RARB: variants seen among roughly 807,000 people sequenced by gnomAD.
RARB encodes HBV-activated protein.
In RARB, 17 loss-of-function variants were observed where a neutral mutation model predicts 51.9. The ratio of observed to expected loss-of-function variants is 0.33; its 90% CI spans 0.22 to 0.49. The LOEUF is 0.49. Ranked by LOEUF, RARB falls within the 20% of genes least tolerant of loss-of-function variation. RARB has a pLI of 0.99. For missense variants in RARB, 369 were observed against 550.8 expected (o/e 0.67, Z 3.30); for synonymous variants, 215 against 195.4 (o/e 1.10, Z -0.84).
intron 5 of RARB, among the ~76,000 whole-genome samples, chr3:25,415,630 G>A (rs1483827): frequency 0.8 from 121,899 of 152,134 alleles, 49,095 homozygotes; most frequent in East Asian, 1. Flanking sequence ...TGTGCCATAG[G>A]TTTCATTGTT....
At chr3:25,449,274 A>G (rs1709086366) in intron 1 of RARB, among the ~76,000 whole-genome samples, 1 of 152,012 alleles carries the variant, frequency 6.6e-6, no homozygotes, top group Non-Finnish European at 1.5e-5. Context: ...CTGGGTTCTC[A>G]GCAGGGAACA....
intron 3 of RARB, among the ~76,000 whole-genome samples, chr3:25,081,606 TATATATATATA>T (rs1402941616): frequency 0.021 from 354 of 17,202 alleles, 18 homozygotes; most frequent in African/African-American, 0.026. Context: ...TATATATATA[TATATATATATA>T]TATATTTTTT....
rs191270271 is a variant in RARB, at chr3:25,528,702, T to C, written c.448+27379T>C. Among the ~76,000 whole-genome samples, 31 of 151,042 alleles carry C rather than the reference T, an allele frequency of 2.1e-4. 1 individual carries two copies. Among genetic ancestry groups the C allele is most frequent in the Admixed American group, 1.8e-3 (28 of 15,170 alleles). On this transcript the variant is annotated intron_variant, in intron 3 of 7. Transcript: ENST00000330688. ...CAAGGGGCTTCCATGTTCCCCATGG[T>C]AGGGAGGGTAGAGATGGCTGCCTTA...
intron 5 of RARB, among the ~76,000 whole-genome samples, chr3:25,358,738 A>T (rs1040688410): frequency 6.6e-6 from 1 of 152,152 alleles, no homozygotes; most frequent in African/African-American, 2.4e-5. Flanking sequence ...TGAGATAATT[A>T]TGTGGTTTTC....
intron 4 of RARB, among the ~76,000 whole-genome samples, chr3:25,168,928 AT>A (rs1700600465): frequency 6.6e-6 from 1 of 152,218 alleles, no homozygotes; most frequent in Non-Finnish European, 1.5e-5. Context: ...GATCCTTGAG[AT>A]TAAAGAGAAG....
intron 2 of RARB, among the ~76,000 whole-genome samples, chr3:25,052,885 T>C (rs575767212): frequency 6.8e-6 from 1 of 146,334 alleles, no homozygotes; most frequent in African/African-American, 2.6e-5. Context: ...AAAAAAGTCA[T>C]AGAAAAAAAA....
chr3:25,203,317 A>T (rs1009295905), intron 5 of RARB, among the ~76,000 whole-genome samples: 1 of 152,098 alleles, frequency 6.6e-6, no homozygotes, highest in Non-Finnish European at 1.5e-5. Flanking sequence ...TTTTGAGGCT[A>T]TGTGTGTCTC....
At chr3:25,318,477 T>C (rs940705662) in intron 5 of RARB, among the ~76,000 whole-genome samples, 1 of 152,186 alleles carries the variant, frequency 6.6e-6, no homozygotes, top group African/African-American at 2.4e-5. Context: ...GTATTGCTGG[T>C]TTAGCATAAA....
chr3:25,410,829 T>C (rs997966014), intron 5 of RARB, among the ~76,000 whole-genome samples: 1 of 152,226 alleles, frequency 6.6e-6, no homozygotes, highest in Admixed American at 6.5e-5. Context: ...TCTCCCCTCC[T>C]TCCCTCCCAA....
At chr3:25,486,100 T>C (rs1335300225) in intron 2 of RARB, among the ~76,000 whole-genome samples, 1 of 152,210 alleles carries the variant, frequency 6.6e-6, no homozygotes, top group African/African-American at 2.4e-5. Context: ...AGTTGTCTTT[T>C]TGCTGGATTT....
chr3:24,951,717 T>G (rs1206560717), intron 2 of RARB, among the ~76,000 whole-genome samples: 1 of 152,168 alleles, frequency 6.6e-6, no homozygotes, highest in East Asian at 1.9e-4. Flanking sequence ...AGGAAACCAA[T>G]GCCAATGACC....
At chr3:25,365,863 C>G in intron 5 of RARB, among the ~76,000 whole-genome samples, 1 of 152,146 alleles carries the variant, frequency 6.6e-6, no homozygotes. Flanking sequence ...CTTTTTGTGA[C>G]CTAATGTCAG....
intron 3 of RARB, among the ~76,000 whole-genome samples, chr3:25,068,462 AG>A (rs1176327653): frequency 1.4e-4 from 21 of 152,162 alleles, no homozygotes; most frequent in African/African-American, 3.9e-4. Flanking sequence ...GAAAACAAAA[AG>A]GGGGGTAATA....
At chr3:25,493,242 G>A (rs1696836384) in intron 2 of RARB, among the ~76,000 whole-genome samples, 1 of 152,104 alleles carries the variant, frequency 6.6e-6, no homozygotes, top group African/African-American at 2.4e-5. Context: ...GTCTTTCAGT[G>A]GGGTGAAAAG....
At chr3:25,243,148 A>C (rs1243919027) in intron 5 of RARB, among the ~76,000 whole-genome samples, 1 of 151,842 alleles carries the variant, frequency 6.6e-6, no homozygotes, top group Non-Finnish European at 1.5e-5. Context: ...TGATTTTTGC[A>C]GATCGATTTT....
At chr3:24,984,600 G>T (rs1053579976) in intron 2 of RARB, among the ~76,000 whole-genome samples, 1 of 152,128 alleles carries the variant, frequency 6.6e-6, no homozygotes, top group Non-Finnish European at 1.5e-5. Context: ...CAGAGAGGTG[G>T]CGAAAACAGA....
At chr3:24,846,872 A>G (rs913442238) in intron 1 of RARB, among the ~76,000 whole-genome samples, 13 of 147,694 alleles carry the variant, frequency 8.8e-5, no homozygotes, top group African/African-American at 3.0e-4. Flanking sequence ...CAAAATTGGA[A>G]AAAAAAAAAA....
intron 4 of RARB, among the ~76,000 whole-genome samples, chr3:25,135,083 G>A (rs1459743653): frequency 1.3e-5 from 2 of 150,678 alleles, no homozygotes; most frequent in Non-Finnish European, 3.0e-5. Context: ...AGTTTAATAG[G>A]CCTAGGACCA....
intron 5 of RARB, among the ~76,000 whole-genome samples, chr3:25,229,011 T>C (rs986096922): frequency 1.3e-5 from 2 of 152,180 alleles, no homozygotes; most frequent in African/African-American, 4.8e-5. Context: ...TTGTCTCTGC[T>C]GTCCTATCCA....
Sources: gnomAD v4.1 joint callset for allele counts (sites outside exome capture counted in the v4.1 genomes callset) on GRCh38, gnomAD v4.1.1 for gene constraint, MANE v1.5 for transcripts, NCBI Gene and HGNC (gene_info 2026-07-23, HGNC 2026-07-21) for gene names.